The following NUP188 variants were observed in gnomAD, a reference collection of about 807,000 sequenced individuals.
The protein encoded by NUP188 is nucleoporin NUP188.
NUP188 carries 97 observed loss-of-function variants against 223.0 expected under a neutral mutation model. That is an observed-to-expected ratio of 0.43 (90% CI 0.37 to 0.51). NUP188 has a LOEUF of 0.51. Among genes scored for constraint, NUP188 ranks in the 20% least tolerant of loss-of-function variants. The pLI is 0.00. For synonymous variants in NUP188, 869 were observed against 828.0 expected, an observed-to-expected ratio of 1.05 and a Z score of -0.85; for missense variants, 1,947 against 2,175.6, an observed-to-expected ratio of 0.89 and a Z score of 2.09.
At chr9:128,977,183 G>C (rs1427613282) in intron 12 of NUP188, among the ~76,000 whole-genome samples, 2 of 148,362 alleles carry the variant, frequency 1.3e-5, no homozygotes, top group Non-Finnish European at 3.0e-5. Flanking sequence ...GCAGTGGCGC[G>C]ATCTCGGCTC....
chr9:128,999,427 G>A, intron 33 of NUP188, 110 bp downstream of exon 33: 1 of 1,437,748 alleles, frequency 7.0e-7, no homozygotes, highest in Non-Finnish European at 9.4e-7. Flanking sequence ...GGACTTTTGA[G>A]TTTCCAGTCA....
Position 129,006,613 on chromosome 9 carries a change from A to G in NUP188, c.5185A>G (p.Ser1729Gly). The G allele has an allele frequency of 6.2e-7, 1 of 1,614,168 alleles. No homozygotes were observed. The highest frequency in any genetic ancestry group is 8.5e-7 in the Non-Finnish European group (1 of 1,180,028). The change falls in exon 44 of 44, where the codon AGC becomes GGC. Residue 1729 changes from serine to glycine, a missense_variant. By Grantham distance (56) the Ser-to-Gly change is moderately conservative. Coordinates refer to ENST00000372577, the MANE Select transcript of NUP188 (RefSeq NM_015354.3). The stretch of plus-strand genomic sequence containing the variant: ...CAAGTCCACCTCTCTCTCCAAAGCC[A>G]GCCCTGAGAGTCAGGAGCCTCTGAT... ...QGKSTSLSKA[S>G]PESQEPLIQL...
chr9:128,998,085 C>G, intron 30 of NUP188, 66 bp from the exon 31 acceptor site: 2 of 1,075,174 alleles, frequency 1.9e-6, no homozygotes, highest in Non-Finnish European at 2.9e-6. Context: ...CAGAGGACCC[C>G]ATGTTTCTTG....
At chr9:128,998,323 TAGTC>T (rs901099911) in intron 31 of NUP188, 95 bp downstream of exon 31, 19 of 1,211,176 alleles carry the variant, frequency 1.6e-5, no homozygotes, top group Non-Finnish European at 2.1e-5. Context: ...GCCGCACAAA[TAGTC>T]AGGTCACAGG....
In NUP188 at chr9:128,966,379, T is replaced by C. The variant is rs117732155; in HGVS notation, c.586-2127T>C. Among the ~76,000 whole-genome samples, 370 of 151,858 alleles carry C rather than the reference T, an allele frequency of 2.4e-3. 7 individuals carry two copies. In the East Asian group the frequency reaches 0.042, roughly 17 times the overall value. ...AAATATTGGATGTTTTTTGTAAATA[T>C]CTGGGTTTTTTTTTTGAGACAGGTT... On this transcript the variant is annotated intron_variant, in intron 8 of 43. Coordinates refer to ENST00000372577, the MANE Select transcript of NUP188 (RefSeq NM_015354.3).
intron 2 of NUP188, among the ~76,000 whole-genome samples, chr9:128,952,085 G>T (rs552090368): frequency 1.8e-3 from 277 of 152,228 alleles, no homozygotes; most frequent in African/African-American, 6.5e-3. Context: ...GAGCCACCAT[G>T]CCTGGCCGAG....
Position 128,969,381 on chromosome 9 carries a change from A to G in NUP188, c.798-19A>G, listed in dbSNP as rs1184761132. The G allele has an allele frequency of 2.1e-6, 3 of 1,437,288 alleles. No individual in the cohort carries two copies. The Admixed American group carries it at 5.1e-5, about 24-fold the overall frequency. 89.0% of individuals were successfully genotyped at this position (1,437,288 alleles called of 1,614,324 possible). A position where few individuals can be genotyped will look rare whatever the true frequency, so the allele number is the denominator to read the frequency against. ...TCAGAACGGGATATATAACATGGTG[A>G]TACTATTTTTCTTTCTAGCTACTTC... is the stretch of plus-strand genomic sequence containing the variant. On this transcript the variant is annotated intron_variant, in intron 9 of 43. Coordinates refer to ENST00000372577, the MANE Select transcript of NUP188 (RefSeq NM_015354.3).
At chr9:128,988,486 A>G (rs1051920441) in intron 24 of NUP188, among the ~76,000 whole-genome samples, 3 of 152,204 alleles carry the variant, frequency 2.0e-5, no homozygotes, top group African/African-American at 7.2e-5. Flanking sequence ...GTTATTAAAC[A>G]ACTCTGCCTC....
At chr9:128,958,155 T>A in intron 6 of NUP188, 101 bp downstream of exon 6, 1 of 894,364 alleles carries the variant, frequency 1.1e-6, no homozygotes, top group Non-Finnish European at 1.8e-6. Flanking sequence ...CTTTGTTGGG[T>A]AAGCATGGAG....
chr9:128,965,251 C>T (rs1369083788), intron 8 of NUP188, among the ~76,000 whole-genome samples: 1 of 152,028 alleles, frequency 6.6e-6, no homozygotes, highest in African/African-American at 2.4e-5. Context: ...TGATACAGAG[C>T]TATTCAAGTT....
In NUP188 at chr9:129,003,269, G is replaced by A. The variant is rs113936478; in HGVS notation, c.4297-48G>A. On this transcript the variant is annotated intron_variant, in intron 37 of 43. Coordinates refer to ENST00000372577, the MANE Select transcript of NUP188 (RefSeq NM_015354.3). ...CAGGAGGGTAGGTGTGGGTATGTCA[G>A]GTCCCTCAGCCATCCCCATCTTTCC... is the stretch of plus-strand genomic sequence containing the variant. The A allele has an allele frequency of 7.4e-5, 117 of 1,575,952 alleles. No individual in the cohort carries two copies. The African/African-American group carries it at 1.3e-3, about 18-fold the overall frequency.
At chr9:128,992,530 A>G (rs566188644) in intron 25 of NUP188, among the ~76,000 whole-genome samples, 23 of 152,292 alleles carry the variant, frequency 1.5e-4, no homozygotes, top group African/African-American at 4.8e-4. Context: ...CCTTTACTTG[A>G]TACCATATCA....
intron 30 of NUP188, among the ~76,000 whole-genome samples, chr9:128,997,792 C>T (rs1842555120): frequency 6.6e-6 from 1 of 152,142 alleles, no homozygotes; most frequent in South Asian, 2.1e-4. Context: ...GCGATCTCGG[C>T]TCACTGCAGC....
rs1438016801 is a variant in NUP188, at chr9:128,999,111, C to T, written c.3516-61C>T. On this transcript the variant is annotated intron_variant, in intron 32 of 43. Transcript: ENST00000372577. ...CAGGTGATCCACCCGCCTTGGCCTCCCAAAGTGCTAGGATTACAGGCATGA... is the reference window on the plus strand; with the variant it reads ...CAGGTGATCCACCCGCCTTGGCCTCTCAAAGTGCTAGGATTACAGGCATGA... 5.3e-6 allele frequency: 8 copies of T among 1,499,940 alleles called. No individual in the cohort carries two copies. In the East Asian group the frequency reaches 9.1e-5, roughly 17 times the overall value. The allele number at this position is 1,499,940 out of a possible 1,614,324, so 92.9% of individuals were successfully genotyped here.
intron 38 of NUP188, 169 bp downstream of exon 38, chr9:129,003,623 C>T (rs1842718830): frequency 6.2e-6 from 5 of 812,828 alleles, no homozygotes; most frequent in Admixed American, 2.0e-5. Flanking sequence ...CTAAATGTTT[C>T]CTTCCATAGT....
Position 128,992,586 on chromosome 9 carries a change from CT to C in NUP188, c.2641-609del, listed in dbSNP as rs1479362539. Among the ~76,000 whole-genome samples the C allele has an allele frequency of 4.6e-5, 7 of 152,260 alleles. No individual in the cohort carries two copies. The East Asian group carries it at 1.4e-3, about 29-fold the overall frequency. ...TGCCACATAGGCACATTTGGACTTC[CT>C]TCATTCTTTTTTGTCTTTTTTCCTT... On this transcript the variant is annotated intron_variant, in intron 25 of 43. Transcript: ENST00000372577.
At position 128,980,742 on chromosome 9, in the gene NUP188, G is replaced by C; in HGVS notation, c.1389+17G>C. On this transcript the variant is annotated intron_variant, in intron 14 of 43. Transcript: ENST00000372577. ...GCCAAAAAGGTAAGTTGCTTAGTCAGATAAGTAAAGAGAATGGGAGATTCT... is the reference window on the plus strand; with the variant it reads ...GCCAAAAAGGTAAGTTGCTTAGTCACATAAGTAAAGAGAATGGGAGATTCT... 6.2e-7 allele frequency: 1 copy of C among 1,612,360 alleles called. No individual in the cohort carries two copies. Among genetic ancestry groups the C allele is most frequent in the Non-Finnish European group, 8.5e-7 (1 of 1,179,312 alleles).
Position 128,977,311 on chromosome 9 carries a change from G to A in NUP188, c.1204-1951G>A, listed in dbSNP as rs148096057. 3.9e-3 allele frequency among the ~76,000 whole-genome samples: 588 copies of A among 151,652 alleles called. 3 individuals carry two copies. The highest frequency in any genetic ancestry group is 0.014 in the African/African-American group (575 of 41,432). Reference sequence around the variant, plus strand: ...ATTTTTTTGTATTTTTAGTAGAGACGGGTTTCACCATGGTAGCCAGGATGG... The same window carrying A: ...ATTTTTTTGTATTTTTAGTAGAGACAGGTTTCACCATGGTAGCCAGGATGG... On this transcript the variant is annotated intron_variant, in intron 12 of 43. Transcript: ENST00000372577.
intron 15 of NUP188, 109 bp from the exon 16 acceptor site, chr9:128,982,439 AT>A (rs1176589393): frequency 2.9e-6 from 3 of 1,040,194 alleles, no homozygotes; most frequent in African/African-American, 3.2e-5. Context: ...AAAAAAAAAA[AT>A]GTCTGTGAGT....
Sources: allele counts gnomAD v4.1 joint callset (sites outside exome capture counted in the v4.1 genomes callset), GRCh38; gene constraint gnomAD v4.1.1; transcripts MANE v1.5; gene names NCBI Gene and HGNC (gene_info 2026-07-23, HGNC 2026-07-21).